The following STT3B variants were observed in gnomAD, a reference collection of about 807,000 sequenced individuals.
The protein encoded by STT3B is dolichyl-diphosphooligosaccharide--protein glycosyltransferase subunit STT3B.
STT3B carries 29 observed loss-of-function variants against 96.8 expected under a neutral mutation model. The observed-to-expected ratio is 0.30, with a 90% confidence interval of 0.22 to 0.41. STT3B has a LOEUF of 0.41. Ranked by LOEUF, STT3B falls within the 10% of genes least tolerant of loss-of-function variation. The pLI, the probability that STT3B is intolerant of heterozygous loss-of-function variation, is 1.00. For missense variants in STT3B, 640 were observed against 1,022.3 expected (o/e 0.63, Z 5.10); for synonymous variants, 367 against 360.0 (o/e 1.02, Z -0.22).
At chr3:31,542,344 C>G (rs1255434626) in intron 1 of STT3B, among the ~76,000 whole-genome samples, 1 of 152,266 alleles carries the variant, frequency 6.6e-6, no homozygotes, top group East Asian at 1.9e-4. Flanking sequence ...TAGGAAAACC[C>G]TGGGCATGGA....
chr3:31,580,015 C>T lies in STT3B; in HGVS notation c.630C>T (p.Gly210=). ...LAACFIAIVP[G]YISRSVAGSF... is the part of the protein sequence containing the mutation. ...CTTGTTTTATTGCTATTGTACCAGG[C>T]TACATATCTCGGTCAGTAGCTGGAT... The change falls in exon 3 of 16, where the codon GGC becomes GGT. Residue 210 remains glycine, a synonymous_variant. Coordinates refer to ENST00000295770, the MANE Select transcript of STT3B (RefSeq NM_178862.3). 6.2e-7 allele frequency: 1 copy of T among 1,613,822 alleles called. No homozygotes were observed. The highest frequency in any genetic ancestry group is 8.5e-7 in the Non-Finnish European group (1 of 1,179,782).
At chr3:31,604,101 G>A (rs1267208350) in intron 5 of STT3B, among the ~76,000 whole-genome samples, 1 of 152,118 alleles carries the variant, frequency 6.6e-6, no homozygotes, top group Non-Finnish European at 1.5e-5. Context: ...CACTAGAACA[G>A]CTTGTTTATG....
chr3:31,621,675 C>T (rs1575445693), intron 9 of STT3B, among the ~76,000 whole-genome samples: 1 of 152,158 alleles, frequency 6.6e-6, no homozygotes, highest in South Asian at 2.1e-4. Context: ...CTTCTCATCC[C>T]GTTTTTGTTT....
chr3:31,599,541 A>T (rs1698879029), intron 4 of STT3B, among the ~76,000 whole-genome samples: 2 of 152,222 alleles, frequency 1.3e-5, no homozygotes, highest in Non-Finnish European at 2.9e-5. Flanking sequence ...TTTACGTAAG[A>T]GAAGCATTAT....
intron 13 of STT3B, among the ~76,000 whole-genome samples, chr3:31,629,036 G>A (rs1290854065): frequency 1.3e-5 from 2 of 152,114 alleles, no homozygotes; most frequent in Non-Finnish European, 2.9e-5. Flanking sequence ...AGCCCAGGAG[G>A]TTGAGGCTGC....
At chr3:31,591,999 A>AT (rs1698675071) in intron 3 of STT3B, among the ~76,000 whole-genome samples, 1 of 152,114 alleles carries the variant, frequency 6.6e-6, no homozygotes, top group African/African-American at 2.4e-5. Context: ...TGTTTTAATC[A>AT]TTAAGTATAT....
intron 13 of STT3B, 102 bp downstream of exon 13, chr3:31,626,229 C>A: frequency 1.8e-6 from 2 of 1,086,320 alleles, no homozygotes; most frequent in Non-Finnish European, 2.7e-6. Flanking sequence ...TCATCCTATC[C>A]CTCAGATTAG....
At chr3:31,552,788 G>A (rs1229338327) in intron 1 of STT3B, among the ~76,000 whole-genome samples, 1 of 152,166 alleles carries the variant, frequency 6.6e-6, no homozygotes, top group African/African-American at 2.4e-5. Flanking sequence ...AGCACCCAGT[G>A]TGATACATAA....
chr3:31,580,066 T>C lies in STT3B; in HGVS notation c.681T>C (p.Ile227=). The C allele has an allele frequency of 6.2e-7, 1 of 1,613,514 alleles. No homozygotes were observed. Among genetic ancestry groups the C allele is most frequent in the Non-Finnish European group, 8.5e-7 (1 of 1,179,536 alleles). ...CCTTTGATAATGAAGGCATTGCTAT[T>C]TTTGCACTTCAGTTCACATACTATT... The part of the protein sequence containing the change: ...AGSFDNEGIA[I]FALQFTYYLW... The change falls in exon 3 of 16, where the codon ATT becomes ATC. Residue 227 remains isoleucine (I), a synonymous_variant. Transcript: ENST00000295770.
chr3:31,583,667 T>G (rs1698465691), intron 3 of STT3B, among the ~76,000 whole-genome samples: 1 of 152,250 alleles, frequency 6.6e-6, no homozygotes, highest in Non-Finnish European at 1.5e-5. Flanking sequence ...GTTTATTCTT[T>G]CTGCCAATCT....
intron 1 of STT3B, among the ~76,000 whole-genome samples, chr3:31,575,268 C>T (rs1378847655): frequency 6.6e-6 from 1 of 152,038 alleles, no homozygotes; most frequent in African/African-American, 2.4e-5. Flanking sequence ...AGAACCTGAC[C>T]TCTCAACCTC....
In STT3B at chr3:31,637,108, T is replaced by TA. The variant is rs1291658431; in HGVS notation, c.*1049dup. On this transcript the variant is annotated 3_prime_UTR_variant, in exon 16 of 16. Coordinates refer to ENST00000295770, the MANE Select transcript of STT3B (RefSeq NM_178862.3). ...GCTATATGCATTTTCTTACTTTTGT[T>TA]AAAAATGTGACAGTTGTCAAAAAAT... The TA allele has an allele frequency of 6.6e-6, 1 of 152,178 alleles. No homozygotes were observed. Among genetic ancestry groups the TA allele is most frequent in the Non-Finnish European group, 1.5e-5 (1 of 68,026 alleles). The allele number at this position is 152,178 out of a possible 1,614,324, so 9.4% of individuals were successfully genotyped here.
intron 8 of STT3B, among the ~76,000 whole-genome samples, chr3:31,618,974 CAATT>C (rs1250193955): frequency 6.6e-6 from 1 of 151,608 alleles, no homozygotes; most frequent in African/African-American, 2.4e-5. Flanking sequence ...ATAAAGTAGT[CAATT>C]AATTGACTAC....
chr3:31,536,536 T>C (rs1195273879), intron 1 of STT3B, among the ~76,000 whole-genome samples: 1 of 152,232 alleles, frequency 6.6e-6, no homozygotes, highest in Non-Finnish European at 1.5e-5. Flanking sequence ...TTTACAGTAG[T>C]TCTTAAATTG....
intron 1 of STT3B, among the ~76,000 whole-genome samples, chr3:31,571,631 G>T (rs1358324313): frequency 6.6e-6 from 1 of 152,086 alleles, no homozygotes; most frequent in Admixed American, 6.6e-5. Context: ...TGTACGAAAT[G>T]ATTTGAGCCA....
intron 1 of STT3B, among the ~76,000 whole-genome samples, chr3:31,544,943 C>CGG (rs113666822): frequency 1.3e-4 from 20 of 150,974 alleles, no homozygotes; most frequent in African/African-American, 3.4e-4. Context: ...TCTCAGGGAG[C>CGG]GGGGGGGGAA....
At chr3:31,609,318 G>C (rs1251383474) in intron 5 of STT3B, among the ~76,000 whole-genome samples, 1 of 151,960 alleles carries the variant, frequency 6.6e-6, no homozygotes, top group Admixed American at 6.6e-5. Flanking sequence ...TCACTACTTA[G>C]CTCTAGAAGC....
chr3:31,607,357 G>A (rs1031512601), intron 5 of STT3B, among the ~76,000 whole-genome samples: 1 of 152,176 alleles, frequency 6.6e-6, no homozygotes, highest in African/African-American at 2.4e-5. Context: ...ATCTCATCTT[G>A]AATTGTAGTT....
chr3:31,618,102 A>G (rs1699349546), intron 8 of STT3B, 114 bp downstream of exon 8: 2 of 748,668 alleles, frequency 2.7e-6, no homozygotes, highest in Admixed American at 2.1e-5. Context: ...CTAAGTACCA[A>G]AGATGCTAGT....
Sources: allele counts gnomAD v4.1 joint callset (sites outside exome capture counted in the v4.1 genomes callset), GRCh38; gene constraint gnomAD v4.1.1; transcripts MANE v1.5; gene names NCBI Gene and HGNC (gene_info 2026-07-23, HGNC 2026-07-21).